LMBR1: variants seen among roughly 807,000 people sequenced by gnomAD.
LMBR1 encodes limb region 1 protein homolog.
In LMBR1, 52 loss-of-function variants were observed where a neutral mutation model predicts 73.9. The ratio of observed to expected loss-of-function variants is 0.70; its 90% CI spans 0.56 to 0.89. LMBR1 has a LOEUF of 0.89. Ranked by LOEUF, LMBR1 falls within the 40% of genes least tolerant of loss-of-function variation. The probability of loss-of-function intolerance (pLI) is 0.00; values close to 1 mark genes in which losing one functional copy is unlikely to be tolerated. For missense variants in LMBR1, 539 were observed against 579.8 expected, an observed-to-expected ratio of 0.93 and a Z score of 0.72; for synonymous variants, 215 against 209.4, an observed-to-expected ratio of 1.03 and a Z score of -0.23.
At chr7:156,865,343 G>A (rs1489397077) in intron 1 of LMBR1, among the ~76,000 whole-genome samples, 1 of 151,956 alleles carries the variant, frequency 6.6e-6, no homozygotes, top group African/African-American at 2.4e-5. Context: ...ATAGCATCAA[G>A]AAGAATAAAA....
In LMBR1 at chr7:156,845,314, G is replaced by A. The variant is rs114035948; in HGVS notation, c.67-8429C>T. Reference sequence around the variant, plus strand: ...CAGATAATGCAGCCTGGGCAATGGAGCAAGATTCCGTCTCCAAATAAATAA... The same window carrying A: ...CAGATAATGCAGCCTGGGCAATGGAACAAGATTCCGTCTCCAAATAAATAA... On this transcript the variant is annotated intron_variant, in intron 1 of 16. Transcript: ENST00000353442. 4.2e-3 allele frequency among the ~76,000 whole-genome samples: 637 copies of A among 152,182 alleles called. 5 individuals carry two copies. The highest frequency in any genetic ancestry group is 0.015 in the African/African-American group (614 of 41,476).
intron 2 of LMBR1, among the ~76,000 whole-genome samples, chr7:156,835,763 A>G (rs1837534204): frequency 6.6e-6 from 1 of 151,676 alleles, no homozygotes; most frequent in African/African-American, 2.4e-5. Flanking sequence ...TTTCACTTCT[A>G]TTCCCAGCAC....
At chr7:156,888,230 G>A (rs774108870) in intron 1 of LMBR1, among the ~76,000 whole-genome samples, 25 of 151,868 alleles carry the variant, frequency 1.6e-4, no homozygotes, top group Non-Finnish European at 3.4e-4. Context: ...CTAACATGGT[G>A]AAACCCCGTC....
At chr7:156,815,524 A>G (rs1411118920) in intron 4 of LMBR1, among the ~76,000 whole-genome samples, 1 of 152,196 alleles carries the variant, frequency 6.6e-6, no homozygotes, top group Non-Finnish European at 1.5e-5. Flanking sequence ...CACAAAGCAT[A>G]TATTTAAACA....
intron 1 of LMBR1, among the ~76,000 whole-genome samples, chr7:156,890,152 A>T (rs1802638540): frequency 6.6e-6 from 1 of 152,218 alleles, no homozygotes; most frequent in Admixed American, 6.5e-5. Context: ...GGGAGAAAAA[A>T]ATATGACTCC....
At chr7:156,688,325 A>G in intron 15 of LMBR1, 134 bp from the exon 16 acceptor site, 1 of 603,254 alleles carries the variant, frequency 1.7e-6, no homozygotes, top group Non-Finnish European at 2.8e-6. Context: ...CTAATGAATA[A>G]ATCCTAATTT....
intron 5 of LMBR1, among the ~76,000 whole-genome samples, chr7:156,771,992 T>C (rs145683123): frequency 6.6e-6 from 1 of 152,130 alleles, no homozygotes; most frequent in Non-Finnish European, 1.5e-5. Context: ...AACCACATGA[T>C]CAGCCAGGCG....
intron 1 of LMBR1, among the ~76,000 whole-genome samples, chr7:156,879,922 C>T (rs762063405): frequency 2.0e-5 from 3 of 152,114 alleles, no homozygotes; most frequent in Non-Finnish European, 4.4e-5. Flanking sequence ...CTGGTACAAC[C>T]ACTATGGAAA....
At chr7:156,725,645 G>C in intron 13 of LMBR1, 119 bp downstream of exon 13, 3 of 1,213,484 alleles carry the variant, frequency 2.5e-6, no homozygotes, top group Admixed American at 2.2e-5. Context: ...TTAAGTGCTT[G>C]AGGAAGACTA....
chr7:156,850,536 C>T (rs141419583), intron 1 of LMBR1, among the ~76,000 whole-genome samples: 187 of 152,264 alleles, frequency 1.2e-3, no homozygotes, highest in African/African-American at 4.3e-3. Flanking sequence ...TAAAATCATA[C>T]AGTATGTGCC....
chr7:156,784,113 C>A (rs998270027), intron 5 of LMBR1, among the ~76,000 whole-genome samples: 1 of 151,456 alleles, frequency 6.6e-6, no homozygotes, highest in African/African-American at 2.4e-5. Context: ...ATACTGAGGA[C>A]TAGATATCCT....
intron 5 of LMBR1, among the ~76,000 whole-genome samples, chr7:156,784,529 C>A (rs1827732930): frequency 6.6e-6 from 1 of 152,188 alleles, no homozygotes; most frequent in African/African-American, 2.4e-5. Context: ...CTTCTCAGCA[C>A]CCTGCTTCTG....
At chr7:156,878,691 C>T (rs1354011050) in intron 1 of LMBR1, among the ~76,000 whole-genome samples, 7 of 152,110 alleles carry the variant, frequency 4.6e-5, no homozygotes, top group African/African-American at 1.7e-4. Context: ...CTTCACAGAA[C>T]TAGTAAAAAC....
chr7:156,869,421 C>G (rs1288671219), intron 1 of LMBR1, among the ~76,000 whole-genome samples: 1 of 152,074 alleles, frequency 6.6e-6, no homozygotes, highest in Non-Finnish European at 1.5e-5. Flanking sequence ...GCTGCAAGAC[C>G]AGAACATCCT....
At chr7:156,860,088 A>T (rs76290351) in intron 1 of LMBR1, among the ~76,000 whole-genome samples, 1 of 152,262 alleles carries the variant, frequency 6.6e-6, no homozygotes, top group Non-Finnish European at 1.5e-5. Flanking sequence ...CAACAAAATG[A>T]ATCAAGACAT....
intron 9 of LMBR1, chr7:156,736,599 C>T (rs746959867): frequency 8.8e-6 from 4 of 456,870 alleles, no homozygotes; most frequent in South Asian, 3.1e-5. Flanking sequence ...CTGGATTTCC[C>T]GCACAAAGCA....
At chr7:156,824,142 A>ACG (rs113343314) in intron 4 of LMBR1, among the ~76,000 whole-genome samples, 4,822 of 151,746 alleles carry the variant, frequency 0.032, 123 homozygotes, top group South Asian at 0.084. Context: ...ATATATACAC[A>ACG]CGCGCGCGCG....
intron 1 of LMBR1, among the ~76,000 whole-genome samples, chr7:156,884,003 G>A (rs1801504108): frequency 6.6e-6 from 1 of 152,210 alleles, no homozygotes; most frequent in Non-Finnish European, 1.5e-5. Flanking sequence ...CAGAGGGGAA[G>A]CTGATTTAAC....
intron 10 of LMBR1, among the ~76,000 whole-genome samples, chr7:156,729,418 GAT>G (rs10676443): frequency 2.7e-4 from 39 of 146,862 alleles, no homozygotes; most frequent in Admixed American, 1.4e-3. Flanking sequence ...TCTACATATT[GAT>G]ATATATATAT....
Sources: gnomAD v4.1 joint callset for allele counts (sites outside exome capture counted in the v4.1 genomes callset) on GRCh38, gnomAD v4.1.1 for gene constraint, MANE v1.5 for transcripts, NCBI Gene and HGNC (gene_info 2026-07-23, HGNC 2026-07-21) for gene names.